NCSTN: variants seen among roughly 807,000 people sequenced by gnomAD.
NCSTN encodes anterior pharynx-defective 2.
A neutral mutation model predicts 87.0 loss-of-function variants in NCSTN; 22 were observed. The observed-to-expected ratio is 0.25, with a 90% CI of 0.18 to 0.36. NCSTN has a LOEUF of 0.36. Among genes scored for constraint, NCSTN ranks in the 10% least tolerant of loss-of-function variants. NCSTN has a pLI of 1.00. For synonymous variants in NCSTN, 306 were observed against 327.1 expected (o/e 0.94, Z 0.69); for missense variants, 693 against 883.3 (o/e 0.78, Z 2.73).
chr1:160,344,883 C>A, intron 2 of NCSTN, 57 bp downstream of exon 2: 1 of 1,403,692 alleles, frequency 7.1e-7, no homozygotes, highest in Non-Finnish European at 1.0e-6. Flanking sequence ...GCCCTAGATA[C>A]TAAGTAACAT....
chr1:160,344,042 T>A (rs1441694278), intron 1 of NCSTN, among the ~76,000 whole-genome samples: 3 of 149,832 alleles, frequency 2.0e-5, no homozygotes, highest in Admixed American at 2.0e-4. Context: ...GAAGTAACAA[T>A]TCAAGGAACT....
intron 1 of NCSTN, among the ~76,000 whole-genome samples, chr1:160,344,158 A>G (rs1348826555): frequency 6.6e-6 from 1 of 152,004 alleles, no homozygotes; most frequent in Non-Finnish European, 1.5e-5. Context: ...GTATATAACT[A>G]TGACTGTGCC....
At position 160,358,637 on chromosome 1, in the gene NCSTN, A is replaced by C; in HGVS notation, c.*366A>C. The C allele has an allele frequency of 1.2e-5, 4 of 329,218 alleles. No individual in the cohort carries two copies. The highest frequency in any genetic ancestry group is 7.7e-5 in the East Asian group (1 of 12,922). The allele number at this position is 329,218 out of a possible 1,614,324, so 20.4% of individuals were successfully genotyped here. A position where few individuals can be genotyped will look rare whatever the true frequency, so the allele number is the denominator to read the frequency against. ...GTACCTCTCTCTGCTCCTCACCCCC[A>C]CCCCTGTACCCAGCCACCTTCCTGA... is the stretch of plus-strand genomic sequence containing the variant. On this transcript the variant is annotated 3_prime_UTR_variant, in exon 17 of 17. Transcript: ENST00000294785.
intron 3 of NCSTN, 144 bp downstream of exon 3, chr1:160,349,266 G>A (rs894285492): frequency 1.8e-5 from 21 of 1,196,786 alleles, no homozygotes; most frequent in Admixed American, 4.0e-5. Context: ...AAGGAAAGGT[G>A]TACCATCAAA....
intron 15 of NCSTN, 43 bp from the exon 16 acceptor site, chr1:160,356,998 G>C (rs989239681): frequency 6.4e-7 from 1 of 1,555,244 alleles, no homozygotes; most frequent in Non-Finnish European, 8.9e-7. Context: ...CGAGTGAGAA[G>C]AGGATCACCC....
Position 160,351,565 on chromosome 1 carries a change from A to C in NCSTN, c.734-131A>C. The C allele has an allele frequency of 8.0e-6, 10 of 1,246,484 alleles. 1 individual carries two copies. The South Asian group carries it at 1.2e-4, about 15-fold the overall frequency. 77.2% of individuals were successfully genotyped at this position (1,246,484 alleles called of 1,614,324 possible). A position where few individuals can be genotyped will look rare whatever the true frequency, so the allele number is the denominator to read the frequency against. On this transcript the variant is annotated intron_variant, in intron 6 of 16. Transcript: ENST00000294785. ...AAAGTGGATAGTGGCAGAGAAGCCA[A>C]CCTCGGACTGTTGGAAGTAGAGAAA...
rs1036511845 is a variant in NCSTN at position 160,354,771 on chromosome 1, C to G, written c.1352+481C>G. On this transcript the variant is annotated intron_variant, in intron 11 of 16. Transcript: ENST00000294785. Reference sequence around the variant, plus strand: ...TTCAGTGCGAGGGTAAAAGTGCCTCCTATAGCTGATGGGGCTCCAGAGATA... The same window carrying G: ...TTCAGTGCGAGGGTAAAAGTGCCTCGTATAGCTGATGGGGCTCCAGAGATA... Among the ~76,000 whole-genome samples the G allele has an allele frequency of 1.2e-4, 19 of 152,252 alleles. No individual in the cohort carries two copies. In the East Asian group the frequency reaches 3.1e-3, roughly 25 times the overall value.
chr1:160,350,082 C>G (rs772678613), intron 4 of NCSTN, 23 bp from the exon 5 acceptor site: 1 of 1,613,112 alleles, frequency 6.2e-7, no homozygotes, highest in African/African-American at 1.3e-5. Context: ...ACCAGTCCCC[C>G]TATTCCCCAT....
At chr1:160,353,992 G>A in intron 10 of NCSTN, 126 bp from the exon 11 acceptor site, 1 of 1,036,428 alleles carries the variant, frequency 9.6e-7, no homozygotes, top group Non-Finnish European at 1.4e-6. Context: ...AGGGATAAAG[G>A]TCTACTAGAG....
At position 160,355,640 on chromosome 1, in the gene NCSTN, C is replaced by T. The variant is rs748459505; in HGVS notation, c.1353-15C>T. The T allele has an allele frequency of 6.2e-6, 10 of 1,600,076 alleles. No individual in the cohort carries two copies. The South Asian group carries it at 6.6e-5, about 11-fold the overall frequency. On this transcript the variant is annotated splice_polypyrimidine_tract_variant and intron_variant, in intron 11 of 16. Coordinates refer to ENST00000294785, the MANE Select transcript of NCSTN (RefSeq NM_015331.3). The stretch of plus-strand genomic sequence containing the variant: ...GGCTAAATGTAGCCAAGGCTCATGC[C>T]GGCTTTCCTGGCAGATATTACCAGA...
In NCSTN at chr1:160,358,411, C is replaced by T. The variant is rs1030636205; in HGVS notation, c.*140C>T. 5 of 1,111,584 alleles carry T rather than the reference C, an allele frequency of 4.5e-6. No individual in the cohort carries two copies. Among genetic ancestry groups the T allele is most frequent in the Non-Finnish European group, 6.7e-6 (5 of 749,946 alleles). The allele number at this position is 1,111,584 out of a possible 1,614,324, so 68.9% of individuals were successfully genotyped here. A position where few individuals can be genotyped will look rare whatever the true frequency, so the allele number is the denominator to read the frequency against. On this transcript the variant is annotated 3_prime_UTR_variant, in exon 17 of 17. Coordinates refer to ENST00000294785, the MANE Select transcript of NCSTN (RefSeq NM_015331.3). ...GATTAACATAAAAGAGTGGAACTATCCAAAAGAGACAGGGAGAAATAAATA... is the reference window on the plus strand; with the variant it reads ...GATTAACATAAAAGAGTGGAACTATTCAAAAGAGACAGGGAGAAATAAATA...
intron 2 of NCSTN, among the ~76,000 whole-genome samples, chr1:160,347,642 CTA>C (rs1362783316): frequency 6.6e-6 from 1 of 152,102 alleles, no homozygotes; most frequent in African/African-American, 2.4e-5. Flanking sequence ...CAGAGTCTCA[CTA>C]TGTCACCCAG....
rs1418677809 is a variant in NCSTN at position 160,351,189 on chromosome 1, A to G, written c.583-33A>G. 9.3e-6 allele frequency: 15 copies of G among 1,613,470 alleles called. No individual in the cohort carries two copies. In the East Asian group the frequency reaches 2.9e-4, roughly 31 times the overall value. ...ATGTAAGGGAGGGCCTCCACAAACT[A>G]GCTGTCTCAGTGGGGTCCATCTCCC... On this transcript the variant is annotated intron_variant, in intron 5 of 16. Coordinates refer to ENST00000294785, the MANE Select transcript of NCSTN (RefSeq NM_015331.3).
chr1:160,351,598 A>G (rs1243121947), intron 6 of NCSTN, 98 bp from the exon 7 acceptor site: 6 of 1,308,304 alleles, frequency 4.6e-6, no homozygotes, highest in African/African-American at 1.5e-5. Flanking sequence ...AAAACGACTT[A>G]GAGTCCGTGG....
intron 2 of NCSTN, among the ~76,000 whole-genome samples, chr1:160,347,673 A>G (rs1455148320): frequency 6.6e-6 from 1 of 152,076 alleles, no homozygotes; most frequent in East Asian, 1.9e-4. Flanking sequence ...GCTGTGGCAC[A>G]ATCTCAGCTC....
intron 1 of NCSTN, chr1:160,343,827 G>C: frequency 1.8e-6 from 1 of 559,338 alleles, no homozygotes; most frequent in Non-Finnish European, 3.5e-6. Context: ...TTTCTTCCTC[G>C]CGTTTAGACT....
intron 2 of NCSTN, among the ~76,000 whole-genome samples, chr1:160,345,938 G>GAAAA (rs56358787): frequency 3.7e-4 from 22 of 59,774 alleles, no homozygotes; most frequent in Admixed American, 4.9e-4. Flanking sequence ...GACACTGTCT[G>GAAAA]AAAAAAAAAA....
intron 2 of NCSTN, among the ~76,000 whole-genome samples, chr1:160,348,564 C>T (rs541473082): frequency 4.6e-5 from 7 of 152,264 alleles, no homozygotes; most frequent in Admixed American, 1.3e-4. Context: ...AAAGGAATGA[C>T]GATCCAGGAA....
At chr1:160,354,520 A>G (rs1309669293) in intron 11 of NCSTN, among the ~76,000 whole-genome samples, 1 of 152,078 alleles carries the variant, frequency 6.6e-6, no homozygotes, top group East Asian at 1.9e-4. Flanking sequence ...ACTGTCAACA[A>G]TCCTTGGTTA....
Sources: gnomAD v4.1 joint callset for allele counts (sites outside exome capture counted in the v4.1 genomes callset) on GRCh38, gnomAD v4.1.1 for gene constraint, MANE v1.5 for transcripts, NCBI Gene and HGNC (gene_info 2026-07-23, HGNC 2026-07-21) for gene names.